Variants in PATJ observed in about 807,000 individuals in gnomAD.
PATJ encodes the protein PATJ crumbs cell polarity complex component, also known as inaD-like protein.
A neutral mutation model predicts 224.9 loss-of-function variants in PATJ; 190 were observed. That is an observed-to-expected ratio of 0.84 (90% confidence interval 0.75 to 0.95). PATJ has a LOEUF of 0.95. Ranked by LOEUF, PATJ falls within the 40% of genes least tolerant of loss-of-function variation. The pLI is 0.00. For missense variants in PATJ, 2,121 were observed against 2,270.3 expected, an observed-to-expected ratio of 0.93 and a Z score of 1.34; for synonymous variants, 769 against 820.3, an observed-to-expected ratio of 0.94 and a Z score of 1.07.
rs185622550 is a variant in PATJ, at chr1:61,987,480, G to A, written c.3671-2688G>A. 3.6e-4 allele frequency among the ~76,000 whole-genome samples: 54 copies of A among 152,036 alleles called. No homozygotes were observed. The East Asian group carries it at 9.5e-3, about 27-fold the overall frequency. On this transcript the variant is annotated intron_variant, in intron 27 of 43. Transcript: ENST00000642238. Reference sequence around the variant, plus strand: ...TGTTTCATGTTGTTTTCTTAGCTGCGATATCATTTCTTAACCATCTTACCC... The same window carrying A: ...TGTTTCATGTTGTTTTCTTAGCTGCAATATCATTTCTTAACCATCTTACCC...
In PATJ at chr1:62,121,243, G is replaced by A. The variant is rs201618909; in HGVS notation, c.4953G>A (p.Leu1651=). 7 of 1,613,520 alleles carry A rather than the reference G, an allele frequency of 4.3e-6. No homozygotes were observed. Among genetic ancestry groups the A allele is most frequent in the Non-Finnish European group, 5.9e-6 (7 of 1,179,948 alleles). The part of the protein sequence containing the change: ...HPSFAPVITG[L]QNLVGTKRVS... Reference sequence around the variant, plus strand: ...CCTTCGCTCCTGTCATCACTGGCCTGCAAAACCTGGTTGGCACAAAAAGAG... The same window carrying A: ...CCTTCGCTCCTGTCATCACTGGCCTACAAAACCTGGTTGGCACAAAAAGAG... Residue 1651 remains leucine (L), a synonymous_variant, in exon 38 of 44, where the codon CTG becomes CTA. Transcript: ENST00000642238.
intron 9 of PATJ, among the ~76,000 whole-genome samples, chr1:61,791,859 ATTTTCATTAGAACTATTTTC>A (rs1051270922): frequency 6.6e-6 from 1 of 152,134 alleles, no homozygotes; most frequent in Non-Finnish European, 1.5e-5. Flanking sequence ...TAAAACAAGC[ATTTTCATTAGAACTATTTTC>A]TTTTCATGTG....
chr1:61,934,079 G>A (rs1213231171), intron 27 of PATJ, among the ~76,000 whole-genome samples: 1 of 151,578 alleles, frequency 6.6e-6, no homozygotes, highest in Non-Finnish European at 1.5e-5. Flanking sequence ...GGGATTACAG[G>A]TGCATGCCAC....
chr1:62,075,996 A>G (rs920812835), intron 31 of PATJ, among the ~76,000 whole-genome samples: 1 of 152,062 alleles, frequency 6.6e-6, no homozygotes, highest in African/African-American at 2.4e-5. Flanking sequence ...CAACTAAACC[A>G]GTGGTTCTTA....
intron 30 of PATJ, among the ~76,000 whole-genome samples, chr1:62,040,052 G>A (rs1040378885): frequency 6.6e-6 from 1 of 151,786 alleles, no homozygotes; most frequent in African/African-American, 2.4e-5. Flanking sequence ...TGCTCTCTAG[G>A]GAGCATCTGG....
chr1:61,861,607 G>A lies in PATJ; in HGVS notation c.2379G>A (p.Lys793=). The A allele has an allele frequency of 6.7e-7, 1 of 1,497,270 alleles. No homozygotes were observed. The highest frequency in any genetic ancestry group is 9.0e-7 in the Non-Finnish European group (1 of 1,114,474). 92.7% of individuals were successfully genotyped at this position (1,497,270 alleles called of 1,614,324 possible). A position where few individuals can be genotyped will look rare whatever the true frequency, so the allele number is the denominator to read the frequency against. Residue 793 remains lysine (K), a synonymous_variant, in exon 19 of 44, where the codon AAG becomes AAA. Coordinates refer to ENST00000642238, the MANE Select transcript of PATJ (RefSeq NM_001350145.3). The part of the protein sequence containing the change: ...YILHSSSNED[K]TEFSGTIHDI... ...TACATTCAAGCAGTAATGAAGACAA[G>A]ACTGAATTTTCAGGAACAATTCATG...
chr1:61,908,499 A>G lies in PATJ; in HGVS notation c.3492+17A>G, dbSNP rs1423391851. The G allele has an allele frequency of 6.4e-7, 1 of 1,551,844 alleles. No homozygotes were observed. Among genetic ancestry groups the G allele is most frequent in the Non-Finnish European group, 8.9e-7 (1 of 1,124,196 alleles). On this transcript the variant is annotated intron_variant, in intron 25 of 43. Coordinates refer to ENST00000642238, the MANE Select transcript of PATJ (RefSeq NM_001350145.3). ...ACTCCACGAGTAAGTTTTAGTTCAT[A>G]TTTTCAAAAAGTTTAACAACACTCT...
At chr1:62,067,151 G>A (rs1243958333) in intron 31 of PATJ, among the ~76,000 whole-genome samples, 1 of 135,064 alleles carries the variant, frequency 7.4e-6, no homozygotes, top group Non-Finnish European at 1.6e-5. Context: ...TTTTGAGATG[G>A]AGTCTCGCTG....
At chr1:61,946,122 C>A (rs1678663743) in intron 27 of PATJ, among the ~76,000 whole-genome samples, 1 of 152,124 alleles carries the variant, frequency 6.6e-6, no homozygotes, top group African/African-American at 2.4e-5. Flanking sequence ...CAGGAAAGAT[C>A]TAAAATTGAC....
chr1:61,830,282 A>G (rs1431411621), intron 16 of PATJ, among the ~76,000 whole-genome samples: 2 of 152,232 alleles, frequency 1.3e-5, no homozygotes, highest in African/African-American at 4.8e-5. Flanking sequence ...AAAGAACAAA[A>G]TAACTGGAAT....
intron 3 of PATJ, among the ~76,000 whole-genome samples, chr1:61,763,526 C>T (rs1249295051): frequency 2.8e-5 from 4 of 144,816 alleles, no homozygotes; most frequent in Non-Finnish European, 4.5e-5. Context: ...AGTTGAGACC[C>T]TGTCTCAAAA....
intron 31 of PATJ, among the ~76,000 whole-genome samples, chr1:62,077,816 C>T (rs1028351955): frequency 6.6e-6 from 1 of 152,156 alleles, no homozygotes; most frequent in African/African-American, 2.4e-5. Flanking sequence ...TATTGACTTC[C>T]GGTTCTACCT....
chr1:61,808,353 G>A (rs1301078648), intron 13 of PATJ, 121 bp from the exon 14 acceptor site: 15 of 664,354 alleles, frequency 2.3e-5, no homozygotes, highest in Non-Finnish European at 3.5e-5. Context: ...TATAAGAAAG[G>A]TATCGGAATG....
At chr1:62,077,897 A>G (rs927376443) in intron 31 of PATJ, among the ~76,000 whole-genome samples, 3 of 152,250 alleles carry the variant, frequency 2.0e-5, no homozygotes, top group South Asian at 4.1e-4. Flanking sequence ...GCAAAAAGAA[A>G]AAAAGTAATA....
intron 27 of PATJ, among the ~76,000 whole-genome samples, chr1:61,932,153 T>C (rs1057016712): frequency 1.3e-5 from 2 of 152,096 alleles, no homozygotes; most frequent in African/African-American, 4.8e-5. Flanking sequence ...TAATTGATAG[T>C]CATGGTCATT....
intron 42 of PATJ, among the ~76,000 whole-genome samples, chr1:62,150,216 A>T (rs1668480902): frequency 1.3e-5 from 2 of 152,208 alleles, no homozygotes; most frequent in Non-Finnish European, 2.9e-5. Context: ...TATAGGGGGC[A>T]ATTCATCAGT....
At chr1:61,750,435 CTTT>C (rs3030066) in intron 1 of PATJ, among the ~76,000 whole-genome samples, 2 of 121,254 alleles carry the variant, frequency 1.6e-5, no homozygotes. Flanking sequence ...TTTTCTGGAG[CTTT>C]TTTTTTTTTT....
intron 16 of PATJ, among the ~76,000 whole-genome samples, chr1:61,829,472 ACT>A (rs997528453): frequency 1.8e-4 from 28 of 152,078 alleles, no homozygotes. Flanking sequence ...CCACTTGCTG[ACT>A]CTCTGCCCCC....
chr1:62,132,907 TAA>T (rs929570735), intron 41 of PATJ, among the ~76,000 whole-genome samples: 1 of 145,922 alleles, frequency 6.9e-6, no homozygotes. Flanking sequence ...GTCTCAAAAT[TAA>T]AAAAAAAAAA....
Sources: gnomAD v4.1 joint callset for allele counts (sites outside exome capture counted in the v4.1 genomes callset) on GRCh38, gnomAD v4.1.1 for gene constraint, MANE v1.5 for transcripts, NCBI Gene and HGNC (gene_info 2026-07-23, HGNC 2026-07-21) for gene names.